NDRG2: variants seen among roughly 807,000 people sequenced by gnomAD.
The protein encoded by NDRG2 is NDRG family member 2, also known as protein NDRG2.
In NDRG2, 34 loss-of-function variants were observed where a neutral mutation model predicts 58.2. The observed-to-expected ratio is 0.58, with a 90% CI of 0.44 to 0.78. The LOEUF is 0.78. NDRG2 is among the 30% of genes least tolerant of loss of function. The pLI is 0.00. For synonymous variants in NDRG2, 187 were observed against 175.9 expected (o/e 1.06, Z -0.50); for missense variants, 434 against 471.2 (o/e 0.92, Z 0.73).
upstream of NDRG2, chr14:21,025,179 G>GC (rs912424113): frequency 2.2e-5 from 20 of 896,918 alleles, no homozygotes; most frequent in East Asian, 1.2e-4. The surrounding 1 kb of genome is among the most constrained non-coding windows in gnomAD (Gnocchi z 5.1). Context: ...CAGTAAACAC[G>GC]CCCCCCCTTT....
chr14:21,017,785 A>G (rs779406767), intron 15 of NDRG2, 23 bp from the exon 16 acceptor site: 7 of 1,603,444 alleles, frequency 4.4e-6, no homozygotes, highest in South Asian at 1.1e-5. Context: ...CACGATGCAC[A>G]AGCAGTCAGA....
At chr14:21,057,962 C>T (rs1195483186) in intron 1 of NDRG2, 4 of 1,613,926 alleles carry the variant, frequency 2.5e-6, no homozygotes, top group Non-Finnish European at 3.4e-6. Context: ...GGCAGAGGTC[C>T]TAGTCAGAGC....
Position 21,070,287 on chromosome 14 carries a change from G to A in NDRG2, c.24+541C>T. 1 of 1,152,560 alleles carries A rather than the reference G, an allele frequency of 8.7e-7. No individual in the cohort carries two copies. Among genetic ancestry groups the A allele is most frequent in the Non-Finnish European group, 1.1e-6 (1 of 919,042 alleles). The allele number at this position is 1,152,560 out of a possible 1,614,324, so 71.4% of individuals were successfully genotyped here. ...AGCGGGCCGAGCCGCCACCGCGGCC[G>A]GAGCTGTCCCTTAGCCAGACCCGGC... On this transcript the variant is annotated intron_variant, in intron 1 of 14. Coordinates refer to the NDRG2 transcript ENST00000403829. This position sits in a 1 kb window ranked among gnomAD's most constrained non-coding sequence, Gnocchi z 4.7.
At chr14:21,018,630 G>A in intron 12 of NDRG2, 126 bp from the exon 13 acceptor site, 1 of 1,557,754 alleles carries the variant, frequency 6.4e-7, no homozygotes, top group Middle Eastern at 1.7e-4. Context: ...TCCTTACCAG[G>A]AATCAAATTC....
chr14:21,035,565 G>A (rs973182840), intron 1 of NDRG2, among the ~76,000 whole-genome samples: 2 of 152,182 alleles, frequency 1.3e-5, no homozygotes, highest in East Asian at 1.9e-4. Context: ...TCTTAGGAGA[G>A]CCTTTTTACC....
intron 15 of NDRG2, 25 bp from the exon 16 acceptor site, chr14:21,017,787 GCAGT>G: frequency 6.2e-7 from 1 of 1,603,652 alleles, no homozygotes; most frequent in Non-Finnish European, 8.5e-7. Context: ...CGATGCACAA[GCAGT>G]CAGAGAGGAA....
At chr14:21,033,428 G>T in intron 1 of NDRG2, 1 of 294,220 alleles carries the variant, frequency 3.4e-6, no homozygotes, top group Non-Finnish European at 6.5e-6. Context: ...GGTGGGGATG[G>T]GGAGGTGAGA....
At chr14:21,023,347 G>T (rs1322069738) in intron 1 of NDRG2, 26 bp from the exon 2 acceptor site, 2 of 1,598,186 alleles carry the variant, frequency 1.3e-6, no homozygotes, top group Admixed American at 1.7e-5. Context: ...AATGAGACTG[G>T]GAAGTTGTCT....
Position 21,070,295 on chromosome 14 carries a change from C to T in NDRG2, c.24+533G>A, listed in dbSNP as rs2139186316. Reference sequence around the variant, plus strand: ...GAGCCGCCACCGCGGCCGGAGCTGTCCCTTAGCCAGACCCGGCGAGACACG... The same window carrying T: ...GAGCCGCCACCGCGGCCGGAGCTGTTCCTTAGCCAGACCCGGCGAGACACG... On this transcript the variant is annotated intron_variant, in intron 1 of 14. Coordinates refer to the NDRG2 transcript ENST00000403829. The surrounding 1 kb of genome is among the most constrained non-coding windows in gnomAD (Gnocchi z 4.7). 5 of 1,315,910 alleles carry T rather than the reference C, an allele frequency of 3.8e-6. No individual in the cohort carries two copies. Among genetic ancestry groups the T allele is most frequent in the South Asian group, 3.4e-5 (2 of 58,782 alleles). 81.5% of individuals were successfully genotyped at this position (1,315,910 alleles called of 1,614,324 possible).
At chr14:21,051,192 T>C (rs1885450222) in intron 1 of NDRG2, among the ~76,000 whole-genome samples, 1 of 152,248 alleles carries the variant, frequency 6.6e-6, no homozygotes, top group Non-Finnish European at 1.5e-5. Context: ...TGTGGATTTC[T>C]GTCTCTGACC....
At chr14:21,039,306 G>A (rs2046567462) in intron 1 of NDRG2, among the ~76,000 whole-genome samples, 1 of 152,206 alleles carries the variant, frequency 6.6e-6, no homozygotes, top group Non-Finnish European at 1.5e-5. Flanking sequence ...ACAGCCTAAG[G>A]AGAAGCTGGG....
intron 6 of NDRG2, 129 bp downstream of exon 6, chr14:21,021,688 T>G: frequency 4.0e-6 from 4 of 1,011,250 alleles, no homozygotes; most frequent in Non-Finnish European, 5.9e-6. Context: ...GGCGGGAGCA[T>G]GAAGGAAGAA....
rs1202500520 is a variant in NDRG2, at chr14:21,049,085, T to G, written c.24+21743A>C. ...AAGATATGAAAATAAGTTGGAGGAC[T>G]TAGGACCACTAACTTTTGAGGGTGC... On this transcript the variant is annotated intron_variant, in intron 1 of 14. Transcript: ENST00000403829. Among the ~76,000 whole-genome samples the G allele has an allele frequency of 5.3e-5, 8 of 152,326 alleles. No individual in the cohort carries two copies. In the East Asian group the frequency reaches 1.3e-3, roughly 26 times the overall value.
chr14:21,023,941 G>C (rs1195547882), intron 1 of NDRG2, 89 bp downstream of exon 1: 6 of 984,314 alleles, frequency 6.1e-6, no homozygotes, highest in African/African-American at 1.7e-5. Context: ...AATAAACTCC[G>C]CAAGTTCAAC....
Position 21,021,883 on chromosome 14 carries a change from G to A in NDRG2, c.345-4C>T. The A allele has an allele frequency of 6.2e-7, 1 of 1,612,786 alleles. No homozygotes were observed. The highest frequency in any genetic ancestry group is 8.5e-7 in the Non-Finnish European group (1 of 1,179,418). ...GTCCAGAGATGGGTACTGATATCTG[G>A]AAAAGAGAGGCATGTTAAGGAAGAT... On this transcript the variant is annotated splice_region_variant and splice_polypyrimidine_tract_variant and intron_variant, in intron 5 of 15. Coordinates refer to ENST00000556147, the MANE Select transcript of NDRG2 (RefSeq NM_001320329.2).
rs1882614229 is a variant in NDRG2, at chr14:21,024,389, T to C, written c.-366A>G. 1 of 913,620 alleles carries C rather than the reference T, an allele frequency of 1.1e-6. No homozygotes were observed. Among genetic ancestry groups the C allele is most frequent in the Non-Finnish European group, 1.3e-6 (1 of 764,740 alleles). The allele number at this position is 913,620 out of a possible 1,614,324, so 56.6% of individuals were successfully genotyped here. On this transcript the variant is annotated 5_prime_UTR_variant, in exon 1 of 16. Coordinates refer to ENST00000556147, the MANE Select transcript of NDRG2 (RefSeq NM_001320329.2). ...AGAACCTCCGGATTCGAATCCCGGC[T>C]CTGCCACTCCCAGTGTGACCTTGCC...
rs540499040 is a variant in NDRG2, at chr14:21,038,166, A to C, written c.25-14845T>G. Reference sequence around the variant, plus strand: ...GCTGAAGTCTAGAAGCCGCATTGTCACTTCCTCATCTGTTAACCATCTCTG... The same window carrying C: ...GCTGAAGTCTAGAAGCCGCATTGTCCCTTCCTCATCTGTTAACCATCTCTG... On this transcript the variant is annotated intron_variant, in intron 1 of 14. Transcript: ENST00000403829. 3.3e-5 allele frequency among the ~76,000 whole-genome samples: 5 copies of C among 152,230 alleles called. No homozygotes were observed. The East Asian group carries it at 9.6e-4, about 29-fold the overall frequency.
intron 1 of NDRG2, chr14:21,046,914 T>C (rs1026248982): frequency 1.3e-5 from 2 of 152,348 alleles, no homozygotes. Context: ...ATCCTCATTG[T>C]CTTCACGTTA....
At chr14:21,025,698 C>T, upstream of NDRG2, 1 of 985,282 alleles carries the variant, frequency 1.0e-6, no homozygotes, top group Non-Finnish European at 1.2e-6. This position sits in a 1 kb window ranked among gnomAD's most constrained non-coding sequence, Gnocchi z 5.1. Context: ...TTGCTGCGTC[C>T]CGACGCCTGC....
Sources: gnomAD v4.1 joint callset for allele counts (sites outside exome capture counted in the v4.1 genomes callset) on GRCh38, gnomAD v4.1.1 for gene constraint, Gnocchi (gnomAD v3.1) non-coding constraint, MANE v1.5 for transcripts, NCBI Gene and HGNC (gene_info 2026-07-23, HGNC 2026-07-21) for gene names.